Variants in AFAP1L1 observed in about 807,000 individuals in gnomAD.
The protein encoded by AFAP1L1 is actin filament associated protein 1 like 1.
Under a neutral mutation model 99.8 loss-of-function variants are expected in AFAP1L1, and 77 were observed. The observed-to-expected ratio is 0.77, with a 90% CI of 0.64 to 0.93. The LOEUF is 0.93. Ranked by LOEUF, AFAP1L1 falls within the 40% of genes least tolerant of loss-of-function variation. The pLI, the probability that AFAP1L1 is intolerant of heterozygous loss-of-function variation, is 0.00. For missense variants in AFAP1L1, 893 were observed against 996.8 expected (o/e 0.90, Z 1.40); for synonymous variants, 373 against 395.3 (o/e 0.94, Z 0.67).
chr5:149,320,467 C>CA lies in AFAP1L1; in HGVS notation c.1698+5dup. 6.2e-7 allele frequency: 1 copy of CA among 1,614,140 alleles called. No individual in the cohort carries two copies. On this transcript the variant is annotated splice_donor_region_variant and intron_variant, in intron 14 of 18. Transcript: ENST00000296721. This position sits in a 1 kb window ranked among gnomAD's most constrained non-coding sequence, Gnocchi z 4.0. The stretch of plus-strand genomic sequence containing the variant: ...TGTTCCTTATGAAAAGATGCAGGTA[C>CA]AGTCCCTTGGGGCTGCCCAGGAATG...
intron 1 of AFAP1L1, among the ~76,000 whole-genome samples, chr5:149,280,101 G>A (rs1438692): frequency 0.37 from 56,411 of 152,100 alleles, 10,894 homozygotes; most frequent in East Asian, 0.57. Flanking sequence ...CATAATTCAC[G>A]GAGGAGGAGT....
chr5:149,330,056 G>A (rs1428107737), intron 16 of AFAP1L1, among the ~76,000 whole-genome samples: 1 of 152,094 alleles, frequency 6.6e-6, no homozygotes, highest in Non-Finnish European at 1.5e-5. Context: ...TTGTTTTGGA[G>A]GATGAAAAAG....
At chr5:149,285,884 T>G (rs759435220) in intron 1 of AFAP1L1, among the ~76,000 whole-genome samples, 15 of 152,172 alleles carry the variant, frequency 9.9e-5, no homozygotes, top group Non-Finnish European at 2.2e-4. Context: ...CTGTGGTCCT[T>G]TCTATGAATT....
chr5:149,274,168 A>G (rs4705335), intron 1 of AFAP1L1, among the ~76,000 whole-genome samples: 128,898 of 152,202 alleles, frequency 0.85, 54,682 homozygotes, highest in East Asian at 0.96. Flanking sequence ...CTCCCTACCC[A>G]GAAGTAAGCT....
intron 17 of AFAP1L1, among the ~76,000 whole-genome samples, chr5:149,333,347 G>A (rs781042691): frequency 3.9e-5 from 6 of 152,172 alleles, no homozygotes; most frequent in Non-Finnish European, 8.8e-5. Context: ...AGTGGGAGAC[G>A]GGATTCCAAA....
intron 7 of AFAP1L1, 124 bp downstream of exon 7, chr5:149,307,737 A>G (rs911401927): frequency 1.0e-6 from 1 of 980,590 alleles, no homozygotes; most frequent in Non-Finnish European, 1.5e-6. Context: ...ACAGAAGCTC[A>G]AAGGCCCCAT....
intron 1 of AFAP1L1, among the ~76,000 whole-genome samples, chr5:149,281,953 A>C (rs116142253): frequency 1.6e-3 from 240 of 151,780 alleles, no homozygotes; most frequent in Non-Finnish European, 2.8e-3. Context: ...TATCCTTCAC[A>C]CTCTTCCTGC....
At position 149,335,732 on chromosome 5, in the gene AFAP1L1, T is replaced by C; in HGVS notation, c.2283+10T>C. 6.2e-7 allele frequency: 1 copy of C among 1,613,040 alleles called. No homozygotes were observed. The highest frequency in any genetic ancestry group is 8.5e-7 in the Non-Finnish European group (1 of 1,179,684). ...GCTACAGAAAGCCAAGGTAGAGCCA[T>C]AGTTCTGCTCCTCAAAAATCAGAGA... On this transcript the variant is annotated intron_variant, in intron 18 of 18. Transcript: ENST00000296721.
chr5:149,285,501 C>A (rs535520996), intron 1 of AFAP1L1, among the ~76,000 whole-genome samples: 1 of 152,102 alleles, frequency 6.6e-6, no homozygotes, highest in African/African-American at 2.4e-5. Flanking sequence ...AATGATGAAA[C>A]CTGCCTGGGT....
At chr5:149,307,856 C>CTCTCTCTCTCTCTCTCTCTG (rs1310196130) in intron 7 of AFAP1L1, among the ~76,000 whole-genome samples, 2 of 149,016 alleles carry the variant, frequency 1.3e-5, no homozygotes, top group Non-Finnish European at 3.0e-5. Context: ...CTCTCTCTCT[C>CTCTCTCTCTCTCTCTCTCTG]TTAAATTTAA....
chr5:149,296,416 C>G (rs2127593060), intron 1 of AFAP1L1, among the ~76,000 whole-genome samples: 1 of 152,260 alleles, frequency 6.6e-6, no homozygotes, highest in South Asian at 2.1e-4. Flanking sequence ...CCCAGTGCAC[C>G]CCTGAGCCAT....
intron 1 of AFAP1L1, among the ~76,000 whole-genome samples, chr5:149,298,608 C>T (rs999666580): frequency 1.3e-5 from 2 of 152,214 alleles, no homozygotes; most frequent in Non-Finnish European, 2.9e-5. Context: ...CTTCTGTTAT[C>T]ATGCCTAAAT....
intron 1 of AFAP1L1, among the ~76,000 whole-genome samples, chr5:149,286,614 G>A (rs1490490892): frequency 6.6e-6 from 1 of 151,920 alleles, no homozygotes; most frequent in Admixed American, 6.6e-5. Context: ...AATTCTAAAT[G>A]AGTTCCGTTG....
Position 149,335,443 on chromosome 5 carries a change from G to A in AFAP1L1, c.2155-151G>A, listed in dbSNP as rs999502862. Reference sequence around the variant, plus strand: ...GCAGAGGTTGCAGTGAGCCAAGCTCGTGCCACTGCGCTCCCGCCTGGGTGA... The same window carrying A: ...GCAGAGGTTGCAGTGAGCCAAGCTCATGCCACTGCGCTCCCGCCTGGGTGA... On this transcript the variant is annotated intron_variant, in intron 17 of 18. Transcript: ENST00000296721. 9 of 990,352 alleles carry A rather than the reference G, an allele frequency of 9.1e-6. No homozygotes were observed. In the African/African-American group the frequency reaches 1.0e-4, roughly 11 times the overall value. 61.3% of individuals were successfully genotyped at this position (990,352 alleles called of 1,614,324 possible). A position where few individuals can be genotyped will look rare whatever the true frequency, so the allele number is the denominator to read the frequency against.
intron 18 of AFAP1L1, among the ~76,000 whole-genome samples, chr5:149,337,521 T>C (rs575815740): frequency 2.6e-5 from 4 of 152,328 alleles, no homozygotes; most frequent in African/African-American, 9.6e-5. Flanking sequence ...GACACTTCAC[T>C]AAACACTCTT....
intron 1 of AFAP1L1, among the ~76,000 whole-genome samples, chr5:149,295,684 A>T (rs980204412): frequency 6.6e-6 from 1 of 152,200 alleles, no homozygotes; most frequent in Non-Finnish European, 1.5e-5. Flanking sequence ...AAAATCCCAA[A>T]AAGTTTTGCA....
At chr5:149,297,222 T>C (rs1756045970) in intron 1 of AFAP1L1, among the ~76,000 whole-genome samples, 1 of 152,164 alleles carries the variant, frequency 6.6e-6, no homozygotes, top group South Asian at 2.1e-4. Context: ...GGGAAACATA[T>C]TCATCCAGAA....
At chr5:149,275,028 C>T (rs1264717182) in intron 1 of AFAP1L1, among the ~76,000 whole-genome samples, 1 of 152,190 alleles carries the variant, frequency 6.6e-6, no homozygotes, top group Non-Finnish European at 1.5e-5. Context: ...AGAGATGGGA[C>T]TGTCATGCCC....
intron 1 of AFAP1L1, among the ~76,000 whole-genome samples, chr5:149,287,713 G>A (rs547428786): frequency 1.3e-4 from 20 of 151,414 alleles, no homozygotes; most frequent in South Asian, 1.0e-3. Flanking sequence ...CTCCTGAGTA[G>A]CTGGGACTAC....
Sources: allele counts gnomAD v4.1 joint callset (sites outside exome capture counted in the v4.1 genomes callset), GRCh38; gene constraint gnomAD v4.1.1; non-coding constraint Gnocchi (gnomAD v3.1); transcripts MANE v1.5; gene names NCBI Gene and HGNC (gene_info 2026-07-23, HGNC 2026-07-21).